LIG1: variants seen among roughly 807,000 people sequenced by gnomAD.
LIG1 encodes the protein ligase I, DNA, ATP-dependent.
Under a neutral mutation model 115.7 loss-of-function variants are expected in LIG1, and 70 were observed. That is an observed-to-expected ratio of 0.60 (90% confidence interval 0.50 to 0.74). LIG1 has a LOEUF of 0.74. Among genes scored for constraint, LIG1 ranks in the 30% least tolerant of loss-of-function variants. The pLI is 0.00. For missense variants in LIG1, 1,115 were observed against 1,225.6 expected, an observed-to-expected ratio of 0.91 and a Z score of 1.35; for synonymous variants, 487 against 495.3, an observed-to-expected ratio of 0.98 and a Z score of 0.22.
Position 48,119,160 on chromosome 19 carries a change from C to T in LIG1, c.2416G>A (p.Glu806Lys). ...LGTGFSDEEL[E>K]EHHQSLKALV... ...ACCTTGAGGCTCTGGTGATGCTCCT[C>T]CAGCTCCTCATCACTGAAGCCAGTT... The change falls in exon 25 of 28, where the codon GAG (glutamate) becomes AAG (lysine). Residue 806 changes from glutamate to lysine, a missense_variant. Coordinates refer to ENST00000263274, the MANE Select transcript of LIG1 (RefSeq NM_000234.3). The T allele has an allele frequency of 6.3e-7, 1 of 1,583,624 alleles. No individual in the cohort carries two copies. The highest frequency in any genetic ancestry group is 1.2e-5 in the South Asian group (1 of 86,374).
At chr19:48,126,102 T>A (rs1048864420) in intron 21 of LIG1, among the ~76,000 whole-genome samples, 1 of 151,906 alleles carries the variant, frequency 6.6e-6, no homozygotes, top group Non-Finnish European at 1.5e-5. Flanking sequence ...TGTTTAGCCC[T>A]CACCCTAACA....
intron 4 of LIG1, among the ~76,000 whole-genome samples, chr19:48,159,305 C>T (rs1039036157): frequency 3.9e-5 from 6 of 152,166 alleles, no homozygotes; most frequent in East Asian, 3.9e-4. Flanking sequence ...CTTCTGACCT[C>T]GTGATCCACC....
intron 9 of LIG1, 143 bp from the exon 10 acceptor site, chr19:48,144,106 C>T: frequency 2.7e-6 from 2 of 747,060 alleles, no homozygotes; most frequent in Non-Finnish European, 4.8e-6. Context: ...CTGGAGCTCA[C>T]ATTCCAGCAG....
intron 19 of LIG1, 128 bp from the exon 20 acceptor site, chr19:48,128,148 A>G: frequency 1.3e-6 from 1 of 754,706 alleles, no homozygotes; most frequent in Non-Finnish European, 2.4e-6. Flanking sequence ...AGGCAGGTGC[A>G]CACAGATGCT....
chr19:48,137,728 G>A lies in LIG1; in HGVS notation c.1088-40C>T. On this transcript the variant is annotated intron_variant, in intron 12 of 27. Coordinates refer to ENST00000263274, the MANE Select transcript of LIG1 (RefSeq NM_000234.3). This position sits in a 1 kb window ranked among gnomAD's most constrained non-coding sequence, Gnocchi z 4.3. ...GCGGGTGGGGGTGTCGAGGGTGACA[G>A]TTGTGGCTGCGTGTCTCCCTTCTCT... 6.3e-7 allele frequency: 1 copy of A among 1,598,022 alleles called. No homozygotes were observed. Among genetic ancestry groups the A allele is most frequent in the South Asian group, 1.1e-5 (1 of 90,930 alleles).
chr19:48,135,282 C>T (rs149235203), intron 16 of LIG1, among the ~76,000 whole-genome samples: 96 of 152,320 alleles, frequency 6.3e-4, no homozygotes, highest in Middle Eastern at 3.4e-3. Context: ...GCTGGGATTA[C>T]AGGCTAATTT....
intron 20 of LIG1, 45 bp from the exon 21 acceptor site, chr19:48,127,393 C>CG: frequency 6.5e-7 from 1 of 1,543,932 alleles, no homozygotes; most frequent in Non-Finnish European, 8.9e-7. Flanking sequence ...GAAGGTGAGA[C>CG]GGGGCACTGT....
At chr19:48,147,680 CA>C (rs58701994) in intron 9 of LIG1, among the ~76,000 whole-genome samples, 23,620 of 151,722 alleles carry the variant, frequency 0.16, 2,153 homozygotes, top group African/African-American at 0.26. Context: ...ACAAAAAACC[CA>C]AAAAACCTAA....
At chr19:48,123,589 C>T (rs1327685912) in intron 21 of LIG1, 2 of 536,140 alleles carry the variant, frequency 3.7e-6, no homozygotes, top group East Asian at 6.6e-5. Context: ...CTTGAATTAA[C>T]ACTTTACGGG....
intron 11 of LIG1, among the ~76,000 whole-genome samples, chr19:48,140,494 T>C (rs368121601): frequency 2.0e-5 from 3 of 152,292 alleles, no homozygotes; most frequent in South Asian, 2.1e-4. Flanking sequence ...TGAAACGAAA[T>C]TGGTAATAGC....
intron 21 of LIG1, chr19:48,127,023 C>A: frequency 1.9e-6 from 1 of 520,830 alleles, no homozygotes; most frequent in Non-Finnish European, 3.5e-6. Flanking sequence ...ACACTCTTCT[C>A]GTTGCAGGAC....
chr19:48,153,625 T>C (rs979478484), intron 6 of LIG1, among the ~76,000 whole-genome samples: 1 of 132,418 alleles, frequency 7.6e-6, no homozygotes, highest in East Asian at 2.3e-4. Flanking sequence ...GCCCCTGCCC[T>C]TGCAGATCCA....
chr19:48,153,701 T>C (rs2035631863), intron 6 of LIG1, among the ~76,000 whole-genome samples, 171 bp downstream of exon 6: 1 of 121,932 alleles, frequency 8.2e-6, no homozygotes, highest in Non-Finnish European at 1.7e-5. Flanking sequence ...CCTCTCCTTC[T>C]GGGGGCTCAC....
chr19:48,120,968 A>AC, intron 24 of LIG1: 16 of 1,456,778 alleles, frequency 1.1e-5, no homozygotes, highest in Non-Finnish European at 1.4e-5. Context: ...CACATTCCTG[A>AC]CATCTTTCTA....
intron 2 of LIG1, among the ~76,000 whole-genome samples, chr19:48,162,752 T>G (rs2036257588): frequency 6.6e-6 from 1 of 151,746 alleles, no homozygotes; most frequent in Non-Finnish European, 1.5e-5. Flanking sequence ...CTAACACCAT[T>G]TCCATCTCAG....
At chr19:48,117,543 GAGC>G in intron 26 of LIG1, 92 bp downstream of exon 26, 3 of 1,282,066 alleles carry the variant, frequency 2.3e-6, no homozygotes, top group South Asian at 2.5e-5. Context: ...TTACCTGGAA[GAGC>G]AGATGTGAGC....
chr19:48,140,747 G>A (rs766711040), intron 11 of LIG1, among the ~76,000 whole-genome samples: 1 of 151,884 alleles, frequency 6.6e-6, no homozygotes, highest in African/African-American at 2.4e-5. Context: ...TCCCACCCAG[G>A]AACAGAAGAC....
At chr19:48,157,835 C>T (rs2035946451) in intron 4 of LIG1, among the ~76,000 whole-genome samples, 1 of 152,224 alleles carries the variant, frequency 6.6e-6, no homozygotes, top group African/African-American at 2.4e-5. Context: ...CGTGAGCCCC[C>T]GTGCCCAGCC....
chr19:48,132,964 A>T lies in LIG1; in HGVS notation c.1725+18T>A. On this transcript the variant is annotated intron_variant, in intron 18 of 27. Transcript: ENST00000263274. ...ACGTTTTCCTGTCTGTGGAAGGGAC[A>T]TGTCCCACTCCCCATACCTGTGCCC... 1 of 1,546,954 alleles carries T rather than the reference A, an allele frequency of 6.5e-7. No individual in the cohort carries two copies. The highest frequency in any genetic ancestry group is 8.9e-7 in the Non-Finnish European group (1 of 1,118,914).
Sources: allele counts gnomAD v4.1 joint callset (sites outside exome capture counted in the v4.1 genomes callset), GRCh38; gene constraint gnomAD v4.1.1; non-coding constraint Gnocchi (gnomAD v3.1); transcripts MANE v1.5; gene names NCBI Gene and HGNC (gene_info 2026-07-23, HGNC 2026-07-21).